Variants in PDSS1 observed in about 807,000 individuals in gnomAD.
PDSS1 encodes the protein all trans-polyprenyl-diphosphate synthase PDSS1.
Under a neutral mutation model 57.5 loss-of-function variants are expected in PDSS1, and 43 were observed. The ratio of observed to expected loss-of-function variants is 0.75; its 90% CI spans 0.59 to 0.96. The LOEUF (loss-of-function observed/expected upper bound fraction) is 0.96. Ranked by LOEUF, PDSS1 falls within the 50% of genes least tolerant of loss-of-function variation. The pLI, the probability that PDSS1 is intolerant of heterozygous loss-of-function variation, is 0.00. For missense variants in PDSS1, 438 were observed against 527.8 expected (o/e 0.83, Z 1.67); for synonymous variants, 175 against 191.3 (o/e 0.91, Z 0.70).
intron 6 of PDSS1, among the ~76,000 whole-genome samples, chr10:26,722,564 C>T (rs998417975): frequency 1.3e-5 from 2 of 151,762 alleles, no homozygotes; most frequent in South Asian, 2.1e-4. Context: ...AATACCTGGG[C>T]GTGGTGGTGT....
chr10:26,714,466 C>CAA (rs34696535), intron 5 of PDSS1, among the ~76,000 whole-genome samples: 2 of 123,002 alleles, frequency 1.6e-5, no homozygotes, highest in Non-Finnish European at 1.7e-5. Flanking sequence ...GACTCTGTCT[C>CAA]AAAAAAAAAA....
chr10:26,742,524 C>G lies in PDSS1; in HGVS notation c.1054C>G (p.Arg352Gly). ...QFPEMNAMIM[R>G]RFSLPGDVDR... ...CCCAGAAATGAATGCTATGATCATG[C>G]GACGGTTCAGTTTGCCTGGAGATGT... Residue 352 changes from arginine (R) to glycine (G), a missense_variant, in exon 11 of 12, where the codon CGA (arginine) becomes GGA (glycine). Transcript: ENST00000376215. 1.2e-5 allele frequency: 20 copies of G among 1,611,798 alleles called. No homozygotes were observed. Among genetic ancestry groups the G allele is most frequent in the Non-Finnish European group, 1.6e-5 (19 of 1,178,496 alleles).
Position 26,735,456 on chromosome 10 carries a change from C to CT in PDSS1, c.913-6dup. The CT allele has an allele frequency of 6.3e-7, 1 of 1,583,926 alleles. No homozygotes were observed. Among genetic ancestry groups the CT allele is most frequent in the Non-Finnish European group, 8.7e-7 (1 of 1,152,452 alleles). On this transcript the variant is annotated splice_polypyrimidine_tract_variant and intron_variant, in intron 9 of 11. Transcript: ENST00000376215. ...CGGTGCTCCTTACATCCCATTTTTC[C>CT]TTTTGCCAGCTAATAGATGATGTAT...
intron 2 of PDSS1, among the ~76,000 whole-genome samples, chr10:26,704,261 G>A (rs543444719): frequency 6.6e-5 from 10 of 152,038 alleles, no homozygotes; most frequent in Admixed American, 4.6e-4. Flanking sequence ...CATTTCCAAA[G>A]GATGTTGAGG....
intron 5 of PDSS1, among the ~76,000 whole-genome samples, chr10:26,716,418 G>T (rs1014293138): frequency 6.6e-6 from 1 of 151,826 alleles, no homozygotes; most frequent in Non-Finnish European, 1.5e-5. Flanking sequence ...TTTTTTGGCC[G>T]GGTGCGGTGG....
rs114726110 is a variant in PDSS1 at position 26,706,321 on chromosome 10, C to T, written c.336+927C>T. Among the ~76,000 whole-genome samples the T allele has an allele frequency of 5.2e-3, 796 of 152,308 alleles. 3 individuals carry two copies. The highest frequency in any genetic ancestry group is 0.018 in the African/African-American group (748 of 41,560). On this transcript the variant is annotated intron_variant, in intron 4 of 11. Transcript: ENST00000376215. ...CGGTGGATCACACCTATAATCCTAG[C>T]ACTTTGAGAGGACACCACTTCCTGT...
chr10:26,712,159 G>A lies in PDSS1; in HGVS notation c.467+2391G>A, dbSNP rs139089828. On this transcript the variant is annotated intron_variant, in intron 5 of 11. Coordinates refer to ENST00000376215, the MANE Select transcript of PDSS1 (RefSeq NM_014317.5). Reference sequence around the variant, plus strand: ...TGGGATTACAGATGCACGCTACCACGCCCAGCCAATTTTGTGTTTTTAGTA... The same window carrying A: ...TGGGATTACAGATGCACGCTACCACACCCAGCCAATTTTGTGTTTTTAGTA... Among the ~76,000 whole-genome samples, 4 of 95,998 alleles carry A rather than the reference G, an allele frequency of 4.2e-5. 1 individual carries two copies. The highest frequency in any genetic ancestry group is 1.4e-4 in the African/African-American group (4 of 29,550). The allele number at this position is 95,998 out of a possible 152,430, so 63.0% of individuals were successfully genotyped here. A position where few individuals can be genotyped will look rare whatever the true frequency, so the allele number is the denominator to read the frequency against.
At chr10:26,707,266 G>C (rs927590887) in intron 4 of PDSS1, among the ~76,000 whole-genome samples, 4 of 152,116 alleles carry the variant, frequency 2.6e-5, no homozygotes, top group African/African-American at 9.7e-5. Context: ...CTCTTAGTGT[G>C]CATGGTTGAG....
intron 1 of PDSS1, 106 bp from the exon 2 acceptor site, chr10:26,702,056 C>T: frequency 2.3e-6 from 1 of 433,444 alleles, no homozygotes; most frequent in Non-Finnish European, 4.6e-6. Flanking sequence ...GGCCTGTAAG[C>T]CCCTTCGTTT....
At chr10:26,722,116 G>A (rs945850977) in intron 6 of PDSS1, among the ~76,000 whole-genome samples, 2 of 152,176 alleles carry the variant, frequency 1.3e-5, no homozygotes, top group African/African-American at 4.8e-5. Flanking sequence ...TCCCCGGCCA[G>A]GTGAAGAAGG....
intron 5 of PDSS1, among the ~76,000 whole-genome samples, chr10:26,717,387 A>G (rs1476368604): frequency 2.0e-5 from 3 of 152,084 alleles, no homozygotes; most frequent in Non-Finnish European, 4.4e-5. Flanking sequence ...ACCCACTACC[A>G]TGCCTGGCTA....
intron 8 of PDSS1, among the ~76,000 whole-genome samples, chr10:26,728,072 CGGGCCG>C (rs1462848171): frequency 6.6e-6 from 1 of 152,090 alleles, no homozygotes; most frequent in African/African-American, 2.4e-5. Flanking sequence ...AGGATACTGT[CGGGCCG>C]GGCACAGTGG....
chr10:26,704,441 G>A (rs959600896), intron 2 of PDSS1, among the ~76,000 whole-genome samples: 1 of 152,160 alleles, frequency 6.6e-6, no homozygotes, highest in African/African-American at 2.4e-5. Context: ...TTTGGGGGAA[G>A]GGATGGACTG....
chr10:26,736,358 T>A (rs1836401289), intron 10 of PDSS1, among the ~76,000 whole-genome samples: 1 of 152,180 alleles, frequency 6.6e-6, no homozygotes, highest in Non-Finnish European at 1.5e-5. Context: ...AGTATTTAAT[T>A]TGTTATGTTG....
At chr10:26,701,684 C>G (rs529851683) in intron 1 of PDSS1, among the ~76,000 whole-genome samples, 1 of 152,326 alleles carries the variant, frequency 6.6e-6, no homozygotes, top group East Asian at 1.9e-4. Flanking sequence ...GGGGGAGAAC[C>G]CTCATGGAGA....
intron 6 of PDSS1, among the ~76,000 whole-genome samples, chr10:26,722,331 A>C (rs1165461653): frequency 6.6e-6 from 1 of 152,262 alleles, no homozygotes; most frequent in Non-Finnish European, 1.5e-5. Context: ...TAGATACTGA[A>C]GAACCTAAGA....
intron 1 of PDSS1, 168 bp from the exon 2 acceptor site, chr10:26,701,994 T>A: frequency 2.5e-6 from 1 of 402,760 alleles, no homozygotes; most frequent in Non-Finnish European, 5.0e-6. Context: ...GAGTCAAAGA[T>A]CATTTTGGAG....
At chr10:26,698,427 A>G (rs1834944717) in intron 1 of PDSS1, among the ~76,000 whole-genome samples, 2 of 152,196 alleles carry the variant, frequency 1.3e-5, no homozygotes, top group Admixed American at 6.5e-5. Context: ...TGGAAGGAGA[A>G]AGGCCCGAGG....
At chr10:26,731,005 G>A (rs76727940) in intron 8 of PDSS1, among the ~76,000 whole-genome samples, 5 of 151,880 alleles carry the variant, frequency 3.3e-5, no homozygotes, top group South Asian at 2.1e-4. Flanking sequence ...TCAGGAGTTC[G>A]AGACCAGCCT....
Sources: gnomAD v4.1 joint callset for allele counts (sites outside exome capture counted in the v4.1 genomes callset) on GRCh38, gnomAD v4.1.1 for gene constraint, MANE v1.5 for transcripts, NCBI Gene and HGNC (gene_info 2026-07-23, HGNC 2026-07-21) for gene names.